The following DLC1 variants were observed in gnomAD, a reference collection of about 807,000 sequenced individuals.
DLC1 encodes the protein DLC1 Rho GTPase activating protein, also known as rho GTPase-activating protein 7.
Under a neutral mutation model 140.3 loss-of-function variants are expected in DLC1, and 54 were observed. The observed-to-expected ratio is 0.38, with a 90% CI of 0.31 to 0.48. The LOEUF (loss-of-function observed/expected upper bound fraction) is 0.48. Ranked by LOEUF, DLC1 falls within the 20% of genes least tolerant of loss-of-function variation. DLC1 has a pLI of 0.96. For synonymous variants in DLC1, 986 were observed against 728.1 expected (o/e 1.35, Z -5.70); for missense variants, 2,536 against 1,907.0 (o/e 1.33, Z -6.14).
At chr8:13,337,446 C>G (rs1015937827) in intron 4 of DLC1, among the ~76,000 whole-genome samples, 9 of 152,058 alleles carry the variant, frequency 5.9e-5, no homozygotes, top group Admixed American at 5.9e-4. Flanking sequence ...AGAATGACAA[C>G]ATATTCTAGG....
At chr8:13,203,917 C>G (rs1316932241) in intron 5 of DLC1, among the ~76,000 whole-genome samples, 1 of 152,134 alleles carries the variant, frequency 6.6e-6, no homozygotes, top group African/African-American at 2.4e-5. Flanking sequence ...TGACTCATTT[C>G]CCTGCCATTG....
intron 2 of DLC1, among the ~76,000 whole-genome samples, chr8:13,414,570 A>G (rs893425298): frequency 7.2e-5 from 11 of 152,242 alleles, no homozygotes; most frequent in African/African-American, 1.9e-4. Flanking sequence ...AAAGAATAGC[A>G]TTATGACCTT....
intron 2 of DLC1, among the ~76,000 whole-genome samples, chr8:13,435,135 G>A (rs1201543729): frequency 1.3e-5 from 2 of 152,164 alleles, no homozygotes; most frequent in African/African-American, 4.8e-5. Context: ...ATGGAAGGAG[G>A]TAAAAATATC....
chr8:13,172,838 A>G (rs1825559461), intron 5 of DLC1, among the ~76,000 whole-genome samples: 1 of 152,210 alleles, frequency 6.6e-6, no homozygotes, highest in Non-Finnish European at 1.5e-5. Flanking sequence ...AGATTCATTT[A>G]TCAAATCCTA....
chr8:13,480,024 C>G (rs1800648732), intron 2 of DLC1, among the ~76,000 whole-genome samples: 1 of 152,130 alleles, frequency 6.6e-6, no homozygotes, highest in Admixed American at 6.5e-5. Flanking sequence ...TATGTTCTTG[C>G]CACTTGCAGT....
intron 5 of DLC1, among the ~76,000 whole-genome samples, chr8:13,207,438 A>C (rs2117093266): frequency 6.6e-6 from 1 of 152,302 alleles, no homozygotes; most frequent in Admixed American, 6.5e-5. Context: ...ATTAAACTGC[A>C]GTTTGAATCG....
intron 4 of DLC1, among the ~76,000 whole-genome samples, chr8:13,314,278 C>G (rs1832784891): frequency 6.8e-6 from 1 of 147,548 alleles, no homozygotes; most frequent in Non-Finnish European, 1.5e-5. Context: ...TGTATATTCA[C>G]ATTTAATCAG....
intron 4 of DLC1, among the ~76,000 whole-genome samples, chr8:13,348,827 C>A (rs1033735188): frequency 1.3e-5 from 2 of 152,096 alleles, no homozygotes; most frequent in African/African-American, 2.4e-5. Flanking sequence ...GGACTGTTGG[C>A]AGCTATGCTA....
intron 2 of DLC1, among the ~76,000 whole-genome samples, chr8:13,441,891 T>G (rs539035681): frequency 6.6e-6 from 1 of 152,150 alleles, no homozygotes; most frequent in East Asian, 1.9e-4. Flanking sequence ...GGGCCTGCAT[T>G]GCCAAGTCAA....
intron 5 of DLC1, chr8:13,304,862 T>C: frequency 2.0e-6 from 2 of 987,586 alleles, no homozygotes; most frequent in Non-Finnish European, 2.4e-6. Flanking sequence ...TTTTTGATAG[T>C]ATGGCATCAG....
At chr8:13,525,159 T>C (rs181580910) in intron 1 of DLC1, among the ~76,000 whole-genome samples, 2 of 152,320 alleles carry the variant, frequency 1.3e-5, no homozygotes, top group East Asian at 3.9e-4. Flanking sequence ...TGTTGTTGCA[T>C]GTATCTGTCC....
chr8:13,256,438 A>C (rs1365647159), intron 5 of DLC1, among the ~76,000 whole-genome samples: 1 of 152,208 alleles, frequency 6.6e-6, no homozygotes, highest in Admixed American at 6.5e-5. Context: ...TTATTGCAAC[A>C]CTATTCACAA....
In DLC1 at chr8:13,115,718, C is replaced by G. The variant is rs1323293785; in HGVS notation, c.1349-61G>C. The G allele has an allele frequency of 1.1e-5, 17 of 1,516,190 alleles. No homozygotes were observed. The Admixed American group carries it at 3.0e-4, about 27-fold the overall frequency. The allele number at this position is 1,516,190 out of a possible 1,614,324, so 93.9% of individuals were successfully genotyped here. ...GTGTACCTCGCCATGCTTATTTTTC[C>G]TGAATAAGCTTTCGTTTTATGATAC... On this transcript the variant is annotated intron_variant, in intron 5 of 17. Transcript: ENST00000276297.
chr8:13,328,075 C>T (rs1833444118), intron 4 of DLC1, among the ~76,000 whole-genome samples: 1 of 152,132 alleles, frequency 6.6e-6, no homozygotes, highest in Non-Finnish European at 1.5e-5. Flanking sequence ...GAAAAGGGAG[C>T]ACAAGATGAT....
At chr8:13,107,824 A>G (rs182116748) in intron 7 of DLC1, among the ~76,000 whole-genome samples, 1 of 152,208 alleles carries the variant, frequency 6.6e-6, no homozygotes, top group Non-Finnish European at 1.5e-5. Flanking sequence ...AGCCCAAGGC[A>G]GGTGGATCAG....
chr8:13,561,275 C>G (rs1010126372), intron 1 of DLC1, among the ~76,000 whole-genome samples: 2 of 151,922 alleles, frequency 1.3e-5, no homozygotes, highest in African/African-American at 4.8e-5. Context: ...GCACACCTGG[C>G]TAAGCAACTA....
intron 2 of DLC1, among the ~76,000 whole-genome samples, chr8:13,456,281 G>A (rs572350946): frequency 2.0e-5 from 3 of 152,018 alleles, no homozygotes; most frequent in African/African-American, 4.8e-5. Context: ...AATTATTTTT[G>A]CTTTCACAAT....
chr8:13,526,280 GT>G (rs1802919378), intron 1 of DLC1, among the ~76,000 whole-genome samples: 1 of 152,016 alleles, frequency 6.6e-6, no homozygotes. Context: ...TTTTAAAGTA[GT>G]TTTGGATAAT....
At chr8:13,525,362 A>G (rs546638128) in intron 1 of DLC1, among the ~76,000 whole-genome samples, 9 of 152,316 alleles carry the variant, frequency 5.9e-5, no homozygotes, top group African/African-American at 1.7e-4. Context: ...AATACCTAGT[A>G]GTAAGTGGTA....
Sources: allele counts gnomAD v4.1 joint callset (sites outside exome capture counted in the v4.1 genomes callset), GRCh38; gene constraint gnomAD v4.1.1; transcripts MANE v1.5; gene names NCBI Gene and HGNC (gene_info 2026-07-23, HGNC 2026-07-21).